PARD3B: variants seen among roughly 807,000 people sequenced by gnomAD.
PARD3B encodes the protein par-3 family cell polarity regulator beta.
A neutral mutation model predicts 130.2 loss-of-function variants in PARD3B; 103 were observed. That is an observed-to-expected ratio of 0.79 (90% CI 0.67 to 0.93). The LOEUF is 0.93. Among genes scored for constraint, PARD3B ranks in the 40% least tolerant of loss-of-function variants. The pLI is 0.00. For synonymous variants in PARD3B, 583 were observed against 553.2 expected (o/e 1.05, Z -0.76); for missense variants, 1,609 against 1,499.2 (o/e 1.07, Z -1.21).
At chr2:204,968,649 T>A (rs1691452146) in intron 3 of PARD3B, among the ~76,000 whole-genome samples, 1 of 152,252 alleles carries the variant, frequency 6.6e-6, no homozygotes, top group Admixed American at 6.5e-5. Flanking sequence ...GTCTCTTTAC[T>A]GTATAGTGAA....
intron 20 of PARD3B, among the ~76,000 whole-genome samples, chr2:205,456,894 AT>A (rs2048295533): frequency 6.7e-6 from 1 of 149,890 alleles, no homozygotes; most frequent in Non-Finnish European, 1.5e-5. Flanking sequence ...TGAATAATCA[AT>A]TTAATATTGT....
At chr2:204,904,532 A>G (rs1402479868) in intron 2 of PARD3B, among the ~76,000 whole-genome samples, 1 of 152,206 alleles carries the variant, frequency 6.6e-6, no homozygotes, top group Non-Finnish European at 1.5e-5. Context: ...AAATATTTAT[A>G]TCTACTATGT....
intron 22 of PARD3B, among the ~76,000 whole-genome samples, chr2:205,597,132 G>T (rs1416504609): frequency 2.6e-5 from 4 of 151,950 alleles, no homozygotes; most frequent in African/African-American, 9.7e-5. Flanking sequence ...GATTACAAAT[G>T]AATGTGTCTT....
chr2:205,576,552 A>G (rs2053766752), intron 22 of PARD3B, among the ~76,000 whole-genome samples: 1 of 152,108 alleles, frequency 6.6e-6, no homozygotes, highest in Non-Finnish European at 1.5e-5. Context: ...TGAAAAGACG[A>G]TCTCTTCTCC....
At chr2:205,600,061 T>A (rs2054724074) in intron 22 of PARD3B, among the ~76,000 whole-genome samples, 1 of 152,208 alleles carries the variant, frequency 6.6e-6, no homozygotes, top group Non-Finnish European at 1.5e-5. Context: ...TGACCTGCCC[T>A]TCTCTGAAGC....
At chr2:205,608,074 A>T (rs59072822) in intron 22 of PARD3B, among the ~76,000 whole-genome samples, 3,575 of 152,264 alleles carry the variant, frequency 0.023, 136 homozygotes, top group African/African-American at 0.08. Flanking sequence ...TACTGCAAAA[A>T]TTGCATGTGC....
intron 21 of PARD3B, among the ~76,000 whole-genome samples, chr2:205,552,877 G>A (rs979366921): frequency 5.3e-5 from 8 of 152,108 alleles, no homozygotes; most frequent in Non-Finnish European, 1.2e-4. Flanking sequence ...GTATCAATAT[G>A]GATTAATTGT....
chr2:205,103,998 T>G (rs914338438), intron 4 of PARD3B, among the ~76,000 whole-genome samples: 2 of 152,196 alleles, frequency 1.3e-5, no homozygotes, highest in South Asian at 4.1e-4. Flanking sequence ...TGCCAGGCAA[T>G]GTTTTTTCAT....
rs2106583685 is a variant in PARD3B, at chr2:205,585,611, CT to C, written c.3261-29844del. ...GGAGTAATTGATATCCCCAGCTCTC[CT>C]AACAGCTGAAACAACAAAGCGGGAC... On this transcript the variant is annotated intron_variant, in intron 22 of 22. Transcript: ENST00000406610. The surrounding 1 kb of genome is among the most constrained non-coding windows in gnomAD (Gnocchi z 5.4). Among the ~76,000 whole-genome samples the C allele has an allele frequency of 6.6e-6, 1 of 152,264 alleles. No individual in the cohort carries two copies. Among genetic ancestry groups the C allele is most frequent in the South Asian group, 2.1e-4 (1 of 4,816 alleles).
At chr2:204,598,301 C>T (rs1368371949) in intron 1 of PARD3B, among the ~76,000 whole-genome samples, 3 of 152,026 alleles carry the variant, frequency 2.0e-5, no homozygotes, top group African/African-American at 7.2e-5. Flanking sequence ...AAAATATAAC[C>T]TGGCAAAATT....
At position 205,035,694 on chromosome 2, in the gene PARD3B, A is replaced by G. The variant is rs1173066828; in HGVS notation, c.395-11887A>G. ...ACCAAGATGACTGGCAATAGATTAT[A>G]TGCAGAATTGTTTGTGAGCCACATA... On this transcript the variant is annotated intron_variant, in intron 3 of 22. Transcript: ENST00000406610. 3.3e-5 allele frequency among the ~76,000 whole-genome samples: 5 copies of G among 150,706 alleles called. No homozygotes were observed. In the East Asian group the frequency reaches 9.8e-4, roughly 30 times the overall value.
intron 20 of PARD3B, among the ~76,000 whole-genome samples, chr2:205,480,080 T>C (rs1191992813): frequency 6.6e-6 from 1 of 151,922 alleles, no homozygotes; most frequent in Non-Finnish European, 1.5e-5. Flanking sequence ...TTTTTTGTAT[T>C]TTTTAGTAGA....
At chr2:204,847,533 T>G (rs1337123438) in intron 2 of PARD3B, among the ~76,000 whole-genome samples, 2 of 152,188 alleles carry the variant, frequency 1.3e-5, no homozygotes, top group Admixed American at 6.5e-5. Context: ...ACACAATTCA[T>G]ATGTTTCAAG....
intron 3 of PARD3B, among the ~76,000 whole-genome samples, chr2:205,042,325 C>T (rs139458680): frequency 3.3e-5 from 5 of 152,250 alleles, no homozygotes; most frequent in East Asian, 3.9e-4. Flanking sequence ...CCTATGAGGA[C>T]GTGGCTTGAC....
chr2:205,166,142 C>T (rs192837605), intron 11 of PARD3B, among the ~76,000 whole-genome samples: 2 of 152,276 alleles, frequency 1.3e-5, no homozygotes, highest in African/African-American at 4.8e-5. Context: ...ACACCGCATA[C>T]TTAAAATTAC....
rs976313684 is a variant in PARD3B at position 205,274,464 on chromosome 2, T to G, written c.2186-26066T>G. Among the ~76,000 whole-genome samples the G allele has an allele frequency of 2.0e-5, 3 of 152,060 alleles. No homozygotes were observed. Among genetic ancestry groups the G allele is most frequent in the South Asian group, 2.1e-4 (1 of 4,830 alleles). On this transcript the variant is annotated intron_variant, in intron 16 of 22. Coordinates refer to ENST00000406610, the MANE Select transcript of PARD3B (RefSeq NM_001302769.2). This position sits in a 1 kb window ranked among gnomAD's most constrained non-coding sequence, Gnocchi z 4.2. The stretch of plus-strand genomic sequence containing the variant: ...CCTGTAGTAATCTTATTCACCTCAT[T>G]GGTAAGTTCTTGCAATATTTATTAT...
intron 4 of PARD3B, among the ~76,000 whole-genome samples, chr2:205,051,866 G>T (rs748244652): frequency 6.6e-6 from 1 of 152,140 alleles, no homozygotes; most frequent in African/African-American, 2.4e-5. Flanking sequence ...TGTTTCCTTT[G>T]TTCCTCTTTT....
At chr2:204,996,612 G>T (rs1178142581) in intron 3 of PARD3B, among the ~76,000 whole-genome samples, 1 of 151,284 alleles carries the variant, frequency 6.6e-6, no homozygotes, top group Non-Finnish European at 1.5e-5. Flanking sequence ...GCTCCACCCA[G>T]TTCGAGCTTC....
At chr2:205,561,999 G>T (rs948518991) in intron 22 of PARD3B, among the ~76,000 whole-genome samples, 2 of 152,134 alleles carry the variant, frequency 1.3e-5, no homozygotes, top group African/African-American at 4.8e-5. Context: ...TTAAGGCCAA[G>T]GACAAAATGA....
Sources: allele counts gnomAD v4.1 joint callset (sites outside exome capture counted in the v4.1 genomes callset), GRCh38; gene constraint gnomAD v4.1.1; non-coding constraint Gnocchi (gnomAD v3.1); transcripts MANE v1.5; gene names NCBI Gene and HGNC (gene_info 2026-07-23, HGNC 2026-07-21).